The following GRID2 variants were observed in gnomAD, a reference collection of about 807,000 sequenced individuals.
GRID2 encodes the protein glutamate receptor ionotropic, delta-2.
Under a neutral mutation model 114.8 loss-of-function variants are expected in GRID2, and 33 were observed. The observed-to-expected ratio is 0.29, with a 90% CI of 0.22 to 0.38. The LOEUF (loss-of-function observed/expected upper bound fraction) is 0.38, where lower values mean the gene tolerates loss of function less well. GRID2 is among the 10% of genes least tolerant of loss of function. The pLI, the probability that GRID2 is intolerant of heterozygous loss-of-function variation, is 1.00. For synonymous variants in GRID2, 505 were observed against 449.9 expected (o/e 1.12, Z -1.55); for missense variants, 1,184 against 1,257.7 (o/e 0.94, Z 0.89).
chr4:93,738,475 T>A (rs1335664509), intron 14 of GRID2, among the ~76,000 whole-genome samples: 1 of 152,058 alleles, frequency 6.6e-6, no homozygotes, highest in African/African-American at 2.4e-5. Flanking sequence ...CCCAGAGCAA[T>A]GGCTGTGGAG....
chr4:93,354,329 T>C (rs559884022), intron 8 of GRID2, among the ~76,000 whole-genome samples: 6 of 152,022 alleles, frequency 3.9e-5, no homozygotes, highest in African/African-American at 1.2e-4. Flanking sequence ...AATAATCTTA[T>C]GCTGTTTAGA....
intron 2 of GRID2, among the ~76,000 whole-genome samples, chr4:92,779,724 T>C (rs182725062): frequency 4.7e-4 from 71 of 152,240 alleles, no homozygotes; most frequent in Non-Finnish European, 3.7e-4. Context: ...AGTTTTCCAA[T>C]AAGCGCCACT....
intron 9 of GRID2, among the ~76,000 whole-genome samples, chr4:93,419,682 C>T (rs1454974034): frequency 3.9e-5 from 6 of 152,072 alleles, no homozygotes; most frequent in African/African-American, 1.4e-4. Flanking sequence ...ATAGCCATTT[C>T]TATTCTGTAT....
rs869285420 is a variant in GRID2, at chr4:92,965,450, TAAAAAAAAAAAAAAAAAAAAAAA to T, written c.245-119528_245-119506del. ...AGGGTTGCCATAAACATTCAATTTG[TAAAAAAAAAAAAAAAAAAAAAAA>T]AAAAAAAAAAAAAAAACACACAACA... On this transcript the variant is annotated intron_variant, in intron 2 of 15. Coordinates refer to ENST00000282020, the MANE Select transcript of GRID2 (RefSeq NM_001510.4). Among the ~76,000 whole-genome samples, 686 of 85,782 alleles carry T rather than the reference TAAAAAAAAAAAAAAAAAAAAAAA, an allele frequency of 8.0e-3. 9 individuals carry two copies. The highest frequency in any genetic ancestry group is 0.08 in the East Asian group (213 of 2,674). The allele number at this position is 85,782 out of a possible 152,430, so 56.3% of individuals were successfully genotyped here.
At chr4:92,446,038 C>T (rs1733447484) in intron 1 of GRID2, among the ~76,000 whole-genome samples, 1 of 152,120 alleles carries the variant, frequency 6.6e-6, no homozygotes, top group Admixed American at 6.5e-5. Context: ...CTCTGCTTCC[C>T]GGGTTCAAGC....
At chr4:92,609,115 C>G (rs1729595309) in intron 2 of GRID2, among the ~76,000 whole-genome samples, 1 of 151,682 alleles carries the variant, frequency 6.6e-6, no homozygotes, top group Non-Finnish European at 1.5e-5. Context: ...TGTTGGTATG[C>G]TTACTTTCTG....
intron 2 of GRID2, among the ~76,000 whole-genome samples, chr4:93,051,666 T>C (rs2149281321): frequency 6.6e-6 from 1 of 152,142 alleles, no homozygotes; most frequent in East Asian, 1.9e-4. Flanking sequence ...TTTACATTTT[T>C]CCTGACTTAA....
chr4:92,525,606 A>G (rs913457228), intron 1 of GRID2, among the ~76,000 whole-genome samples: 1 of 152,122 alleles, frequency 6.6e-6, no homozygotes, highest in Non-Finnish European at 1.5e-5. Context: ...GCTTTAGAAA[A>G]ACAGAAGAAG....
At chr4:93,644,724 G>A (rs1721951302) in intron 14 of GRID2, among the ~76,000 whole-genome samples, 1 of 152,090 alleles carries the variant, frequency 6.6e-6, no homozygotes, top group Non-Finnish European at 1.5e-5. Flanking sequence ...TCAGTAAAGT[G>A]ACTCAAAATC....
At chr4:92,385,864 TATATA>T (rs1729926044) in intron 1 of GRID2, among the ~76,000 whole-genome samples, 1 of 141,918 alleles carries the variant, frequency 7.0e-6, no homozygotes, top group African/African-American at 2.6e-5. Context: ...TGAAGAAATA[TATATA>T]ATATACGTGT....
intron 2 of GRID2, among the ~76,000 whole-genome samples, chr4:92,674,712 G>T (rs1414939897): frequency 1.3e-5 from 2 of 151,914 alleles, no homozygotes; most frequent in African/African-American, 2.4e-5. Flanking sequence ...TAGTAGAGAT[G>T]GGGTTTCACC....
intron 2 of GRID2, among the ~76,000 whole-genome samples, chr4:92,664,464 A>AAT (rs1047120359): frequency 7.3e-5 from 11 of 150,904 alleles, no homozygotes; most frequent in South Asian, 2.1e-4. Flanking sequence ...TCCATTTAAA[A>AAT]ATATATATAT....
At chr4:92,774,467 G>A (rs546231307) in intron 2 of GRID2, among the ~76,000 whole-genome samples, 10 of 151,506 alleles carry the variant, frequency 6.6e-5, no homozygotes, top group Non-Finnish European at 1.5e-4. Flanking sequence ...TGCTACTGAG[G>A]TACTTTACTT....
chr4:92,933,338 T>C (rs939108422), intron 2 of GRID2, among the ~76,000 whole-genome samples: 29 of 151,434 alleles, frequency 1.9e-4, no homozygotes, highest in African/African-American at 7.0e-4. Context: ...CACTAATTTA[T>C]ATTACAAAAA....
intron 8 of GRID2, among the ~76,000 whole-genome samples, chr4:93,347,730 G>A (rs545905131): frequency 3.9e-5 from 6 of 151,954 alleles, no homozygotes; most frequent in Non-Finnish European, 7.4e-5. Context: ...TCTACATATG[G>A]GGAAACTGAG....
intron 2 of GRID2, among the ~76,000 whole-genome samples, chr4:92,787,713 T>C (rs1405064994): frequency 1.3e-5 from 2 of 151,776 alleles, no homozygotes; most frequent in African/African-American, 4.8e-5. Context: ...TCTAGAAGAG[T>C]CCTTCTGGCT....
rs182940960 is a variant in GRID2 at position 92,921,733 on chromosome 4, C to T, written c.245-163262C>T. Among the ~76,000 whole-genome samples, 595 of 152,228 alleles carry T rather than the reference C, an allele frequency of 3.9e-3. 9 individuals are homozygous for T. Among genetic ancestry groups the T allele is most frequent in the African/African-American group, 0.014 (571 of 41,544 alleles). On this transcript the variant is annotated intron_variant, in intron 2 of 15. Coordinates refer to ENST00000282020, the MANE Select transcript of GRID2 (RefSeq NM_001510.4). The stretch of plus-strand genomic sequence containing the variant: ...GTTTTGTCTCAGAGGAGTACCTGGC[C>T]GTGTGAGGTGTCAGTCTGCCCCTAC...
chr4:93,777,790 A>T (rs1294557498), downstream of GRID2, among the ~76,000 whole-genome samples: 1 of 152,236 alleles, frequency 6.6e-6, no homozygotes, highest in Non-Finnish European at 1.5e-5. Context: ...AAGGGATGAC[A>T]AACATTGCTT....
At chr4:92,360,016 T>C (rs1344950049) in intron 1 of GRID2, among the ~76,000 whole-genome samples, 1 of 151,992 alleles carries the variant, frequency 6.6e-6, no homozygotes, top group Non-Finnish European at 1.5e-5. Context: ...TTTAATGGTT[T>C]GGTTTGGGCA....
Sources: allele counts gnomAD v4.1 joint callset (sites outside exome capture counted in the v4.1 genomes callset), GRCh38; gene constraint gnomAD v4.1.1; transcripts MANE v1.5; gene names NCBI Gene and HGNC (gene_info 2026-07-23, HGNC 2026-07-21).